The following FHIT variants were observed in gnomAD, a reference collection of about 807,000 sequenced individuals.
The protein encoded by FHIT is fragile histidine triad diadenosine triphosphatase, also known as bis(5'-adenosyl)-triphosphatase.
A neutral mutation model predicts 17.9 loss-of-function variants in FHIT; 19 were observed. The ratio of observed to expected loss-of-function variants is 1.06; its 90% CI spans 0.74 to 1.56. The LOEUF (loss-of-function observed/expected upper bound fraction) is 1.56, where lower values mean the gene tolerates loss of function less well. Ranked by LOEUF, FHIT falls within the 40% of genes most tolerant of loss-of-function variation. FHIT has a pLI of 0.00. For synonymous variants in FHIT, 81 were observed against 69.7 expected (o/e 1.16, Z -0.81); for missense variants, 248 against 189.2 (o/e 1.31, Z -1.82).
intron 4 of FHIT, among the ~76,000 whole-genome samples, chr3:60,734,932 G>C (rs1553712188): frequency 6.6e-6 from 1 of 152,238 alleles, no homozygotes; most frequent in East Asian, 1.9e-4. Flanking sequence ...TGTAGTTACA[G>C]TTATAGTCAA....
At chr3:60,340,622 G>A (rs1189242634) in intron 5 of FHIT, among the ~76,000 whole-genome samples, 1 of 152,130 alleles carries the variant, frequency 6.6e-6, no homozygotes, top group Non-Finnish European at 1.5e-5. Flanking sequence ...CAAGACGATG[G>A]GCTGCAGGAT....
At chr3:60,205,404 C>A (rs1383431945) in intron 5 of FHIT, among the ~76,000 whole-genome samples, 4 of 152,114 alleles carry the variant, frequency 2.6e-5, no homozygotes, top group Non-Finnish European at 4.4e-5. Context: ...TAGGTCAGAA[C>A]GTCCCAAATT....
chr3:60,320,828 G>C (rs369384288), intron 5 of FHIT, among the ~76,000 whole-genome samples: 1 of 152,116 alleles, frequency 6.6e-6, no homozygotes, highest in African/African-American at 2.4e-5. Context: ...TAATCTTTCT[G>C]ATAATTCTTT....
At chr3:59,983,477 G>C (rs895332616) in intron 7 of FHIT, among the ~76,000 whole-genome samples, 1 of 152,078 alleles carries the variant, frequency 6.6e-6, no homozygotes, top group Non-Finnish European at 1.5e-5. Flanking sequence ...TATTGGTATA[G>C]TTGTACTATT....
intron 5 of FHIT, among the ~76,000 whole-genome samples, chr3:60,512,527 T>C (rs1430077442): frequency 6.6e-6 from 1 of 152,214 alleles, no homozygotes; most frequent in African/African-American, 2.4e-5. Context: ...GAATTTCAGA[T>C]GAATGGTGAA....
chr3:61,074,631 C>T (rs115084571), intron 2 of FHIT, among the ~76,000 whole-genome samples: 305 of 152,242 alleles, frequency 2.0e-3, no homozygotes, highest in Non-Finnish European at 3.8e-3. Context: ...TCAATTGTAT[C>T]ACTCCTACAG....
chr3:61,221,925 T>C (rs1180662882), intron 1 of FHIT, among the ~76,000 whole-genome samples: 1 of 152,186 alleles, frequency 6.6e-6, no homozygotes, highest in East Asian at 1.9e-4. Context: ...GTGGCCTGTG[T>C]GCACCTGATT....
chr3:60,879,088 T>C (rs1553757278), intron 3 of FHIT, among the ~76,000 whole-genome samples: 1 of 152,238 alleles, frequency 6.6e-6, no homozygotes, highest in Non-Finnish European at 1.5e-5. Flanking sequence ...ATGGTTGAAC[T>C]AGTTTACATT....
chr3:61,096,425 A>G (rs2035640872), intron 2 of FHIT, among the ~76,000 whole-genome samples: 1 of 152,198 alleles, frequency 6.6e-6, no homozygotes, highest in Non-Finnish European at 1.5e-5. Context: ...GCAGAATGAT[A>G]AGAGTCCTGG....
At chr3:60,689,116 C>T (rs2040928325) in intron 4 of FHIT, among the ~76,000 whole-genome samples, 1 of 152,160 alleles carries the variant, frequency 6.6e-6, no homozygotes, top group South Asian at 2.1e-4. Flanking sequence ...GTTTTAAAAA[C>T]AGGAGTTTCC....
intron 5 of FHIT, among the ~76,000 whole-genome samples, chr3:60,104,913 G>C (rs1174902754): frequency 1.3e-5 from 2 of 152,040 alleles, no homozygotes; most frequent in East Asian, 3.9e-4. Context: ...CTAAATTCAA[G>C]ATCAATGATG....
chr3:60,384,883 A>ATT (rs1299129996), intron 5 of FHIT, among the ~76,000 whole-genome samples: 1 of 151,900 alleles, frequency 6.6e-6, no homozygotes, highest in Non-Finnish European at 1.5e-5. Context: ...ATAAAAACCT[A>ATT]TTGTGAGAAG....
At chr3:60,132,758 A>T (rs1307103523) in intron 5 of FHIT, among the ~76,000 whole-genome samples, 1 of 152,054 alleles carries the variant, frequency 6.6e-6, no homozygotes, top group Non-Finnish European at 1.5e-5. Context: ...ATTTTTATGG[A>T]TCTACATTCA....
intron 5 of FHIT, among the ~76,000 whole-genome samples, chr3:60,522,164 C>G (rs1212079091): frequency 1.5e-5 from 2 of 135,984 alleles, no homozygotes; most frequent in Non-Finnish European, 3.1e-5. Context: ...GCTGGTTGTG[C>G]AGTGGCACGA....
Position 61,201,239 on chromosome 3 carries a change from G to A in FHIT, c.-212-574C>T, listed in dbSNP as rs369455000. On this transcript the variant is annotated intron_variant, in intron 1 of 9. Transcript: ENST00000492590. ...GGAAGAAACTCACAAAACAGAGGAA[G>A]CCACAACTTGACATTTCAAATCAAA... 3.3e-5 allele frequency among the ~76,000 whole-genome samples: 5 copies of A among 152,294 alleles called. No homozygotes were observed. The East Asian group carries it at 9.7e-4, about 29-fold the overall frequency.
intron 5 of FHIT, among the ~76,000 whole-genome samples, chr3:60,349,259 G>C (rs560281592): frequency 1.1e-3 from 171 of 152,258 alleles, no homozygotes; most frequent in Non-Finnish European, 1.8e-3. Context: ...TACATCTACT[G>C]CTGAATTCAG....
chr3:60,715,571 T>C (rs1553706535), intron 4 of FHIT, among the ~76,000 whole-genome samples: 1 of 129,172 alleles, frequency 7.7e-6, no homozygotes, highest in East Asian at 2.3e-4. Flanking sequence ...AATTGAACAA[T>C]GAGAACACAT....
intron 8 of FHIT, among the ~76,000 whole-genome samples, chr3:59,856,453 A>C (rs1702161306): frequency 6.6e-6 from 1 of 152,236 alleles, no homozygotes; most frequent in Admixed American, 6.5e-5. Flanking sequence ...TTCCCCATAG[A>C]TTCTGTAAAT....
At chr3:61,242,533 C>A (rs577577103) in intron 1 of FHIT, among the ~76,000 whole-genome samples, 5 of 152,126 alleles carry the variant, frequency 3.3e-5, no homozygotes, top group Admixed American at 3.3e-4. Context: ...TTGTAACCAC[C>A]CAACAGGTTC....
Sources: gnomAD v4.1 joint callset for allele counts (sites outside exome capture counted in the v4.1 genomes callset) on GRCh38, gnomAD v4.1.1 for gene constraint, MANE v1.5 for transcripts, NCBI Gene and HGNC (gene_info 2026-07-23, HGNC 2026-07-21) for gene names.